RIC8B: variants seen among roughly 807,000 people sequenced by gnomAD.
The protein encoded by RIC8B is RIC8 guanine nucleotide exchange factor B, also known as chaperone Ric-8B.
Under a neutral mutation model 57.5 loss-of-function variants are expected in RIC8B, and 16 were observed. The ratio of observed to expected loss-of-function variants is 0.28; its 90% confidence interval spans 0.19 to 0.42. The LOEUF (loss-of-function observed/expected upper bound fraction) is 0.42. RIC8B is among the 10% of genes least tolerant of loss of function. The pLI, the probability that RIC8B is intolerant of heterozygous loss-of-function variation, is 1.00. For missense variants in RIC8B, 481 were observed against 677.0 expected (o/e 0.71, Z 3.21); for synonymous variants, 216 against 250.8 (o/e 0.86, Z 1.31).
chr12:106,880,071 C>A, intron 9 of RIC8B: 1 of 476,168 alleles, frequency 2.1e-6, no homozygotes, highest in Non-Finnish European at 2.7e-6. Flanking sequence ...TTAGATAGGA[C>A]CTTCATAATT....
chr12:106,860,212 A>T, intron 7 of RIC8B, 56 bp from the exon 8 acceptor site: 2 of 1,412,780 alleles, frequency 1.4e-6, no homozygotes, highest in East Asian at 2.6e-5. Context: ...TGAGTGGTTG[A>T]TGATGATGGT....
Position 106,789,299 on chromosome 12 carries a change from C to G in RIC8B, c.132+5255C>G, listed in dbSNP as rs989766549. On this transcript the variant is annotated intron_variant, in intron 2 of 9. Coordinates refer to ENST00000392837, the MANE Select transcript of RIC8B (RefSeq NM_001330145.2). The stretch of plus-strand genomic sequence containing the variant: ...AAGTCTCTAGGAGGTTCCAAACTTT[C>G]CCACATTGTCCTGTCTTCTGAGCCC... Among the ~76,000 whole-genome samples the G allele has an allele frequency of 3.9e-5, 6 of 152,172 alleles. No individual in the cohort carries two copies. The East Asian group carries it at 1.2e-3, about 29-fold the overall frequency.
intron 9 of RIC8B, among the ~76,000 whole-genome samples, chr12:106,876,869 A>G (rs1309997284): frequency 6.6e-6 from 1 of 152,064 alleles, no homozygotes; most frequent in Non-Finnish European, 1.5e-5. Flanking sequence ...CTACTACTTT[A>G]TTCTACAGTG....
intron 3 of RIC8B, among the ~76,000 whole-genome samples, chr12:106,817,633 C>A (rs985552643): frequency 5.9e-5 from 9 of 151,780 alleles, no homozygotes; most frequent in Non-Finnish European, 8.8e-5. Flanking sequence ...TCCTGGCTAA[C>A]ACGGTGAAAC....
chr12:106,819,825 A>G (rs1193795145), intron 3 of RIC8B, among the ~76,000 whole-genome samples: 2 of 149,832 alleles, frequency 1.3e-5, no homozygotes, highest in African/African-American at 4.9e-5. Context: ...TATATATTAT[A>G]TACTTAGAGT....
At chr12:106,803,812 A>G (rs2044865473) in intron 2 of RIC8B, among the ~76,000 whole-genome samples, 1 of 152,180 alleles carries the variant, frequency 6.6e-6, no homozygotes, top group Non-Finnish European at 1.5e-5. Flanking sequence ...AAAACAAGCC[A>G]CCTTTAAAAT....
chr12:106,870,397 G>C (rs1950351270), intron 8 of RIC8B, among the ~76,000 whole-genome samples: 1 of 152,004 alleles, frequency 6.6e-6, no homozygotes, highest in Non-Finnish European at 1.5e-5. Context: ...TAGCCTCTCT[G>C]TCATCATTTT....
intron 2 of RIC8B, among the ~76,000 whole-genome samples, chr12:106,789,644 C>A (rs930422565): frequency 6.6e-6 from 1 of 152,022 alleles, no homozygotes; most frequent in African/African-American, 2.4e-5. Flanking sequence ...TGGGGGAAAC[C>A]GCCCCCATGA....
At chr12:106,784,332 C>T (rs937156258) in intron 2 of RIC8B, among the ~76,000 whole-genome samples, 4 of 152,198 alleles carry the variant, frequency 2.6e-5, no homozygotes, top group Admixed American at 2.0e-4. Context: ...CAAAGACTGA[C>T]TGTTTAGTGG....
intron 3 of RIC8B, among the ~76,000 whole-genome samples, chr12:106,818,191 G>A (rs1035670363): frequency 6.6e-6 from 1 of 150,968 alleles, no homozygotes; most frequent in Non-Finnish European, 1.5e-5. Flanking sequence ...TTTTTTGAGA[G>A]AGTCTTGCTC....
intron 9 of RIC8B, among the ~76,000 whole-genome samples, chr12:106,881,741 C>T (rs1412332548): frequency 3.3e-5 from 5 of 152,062 alleles, no homozygotes; most frequent in Non-Finnish European, 5.9e-5. Flanking sequence ...AGGAGTGAGT[C>T]TCTGTACCAA....
At chr12:106,831,853 C>G (rs1290570112) in intron 4 of RIC8B, among the ~76,000 whole-genome samples, 1 of 152,194 alleles carries the variant, frequency 6.6e-6, no homozygotes, top group Non-Finnish European at 1.5e-5. Flanking sequence ...ACTCTCTGCC[C>G]CGAGAGCATC....
At position 106,784,022 on chromosome 12, in the gene RIC8B, C is replaced by G; in HGVS notation, c.110C>G (p.Ser37Ter). ...DKHRATFKFE[S>*]TDEDKRKKLC... Reference sequence around the variant, plus strand: ...CATAGGGCTACTTTCAAATTTGAATCAACAGATGAAGATAAAAGAAAGGTA... The same window carrying G: ...CATAGGGCTACTTTCAAATTTGAATGAACAGATGAAGATAAAAGAAAGGTA... Residue 37 changes from serine (S) to a stop codon, truncating the protein, a stop_gained, in exon 2 of 10, where the codon TCA becomes TGA. Transcript: ENST00000392837. LOFTEE classifies it high-confidence loss of function. The G allele has an allele frequency of 6.2e-7, 1 of 1,613,730 alleles. No homozygotes were observed. Among genetic ancestry groups the G allele is most frequent in the Non-Finnish European group, 8.5e-7 (1 of 1,179,756 alleles).
intron 6 of RIC8B, among the ~76,000 whole-genome samples, chr12:106,847,894 T>C (rs780081713): frequency 6.6e-6 from 1 of 152,186 alleles, no homozygotes; most frequent in Non-Finnish European, 1.5e-5. Context: ...ACACCTGTAA[T>C]ATGCTAGACA....
chr12:106,825,009 C>G (rs562431079), intron 3 of RIC8B, among the ~76,000 whole-genome samples: 1 of 152,274 alleles, frequency 6.6e-6, no homozygotes, highest in African/African-American at 2.4e-5. Flanking sequence ...ACAATTGTCT[C>G]TAATTTCATG....
At chr12:106,857,350 A>G (rs997799217) in intron 7 of RIC8B, among the ~76,000 whole-genome samples, 1 of 152,160 alleles carries the variant, frequency 6.6e-6, no homozygotes, top group Admixed American at 6.6e-5. Context: ...GGTTCTTGAC[A>G]TTCTTTGTTC....
chr12:106,798,095 T>A, intron 2 of RIC8B: 1 of 716,066 alleles, frequency 1.4e-6, no homozygotes, highest in South Asian at 1.5e-5. Context: ...AAATAACTAG[T>A]GAAGAAGATA....
intron 3 of RIC8B, among the ~76,000 whole-genome samples, chr12:106,816,320 T>A (rs546636598): frequency 1.3e-5 from 2 of 152,190 alleles, no homozygotes; most frequent in African/African-American, 4.8e-5. Context: ...TGCATTGTTA[T>A]AGGGGGAATA....
intron 2 of RIC8B, among the ~76,000 whole-genome samples, chr12:106,794,963 C>A (rs12299397): frequency 0.11 from 16,900 of 152,040 alleles, 1,075 homozygotes; most frequent in Middle Eastern, 0.16. Flanking sequence ...ATTGTTCAGT[C>A]AGTAATATAG....
Sources: allele counts gnomAD v4.1 joint callset (sites outside exome capture counted in the v4.1 genomes callset), GRCh38; gene constraint gnomAD v4.1.1; transcripts MANE v1.5; gene names NCBI Gene and HGNC (gene_info 2026-07-23, HGNC 2026-07-21).